DPP10: variants seen among roughly 807,000 people sequenced by gnomAD.
DPP10 encodes inactive dipeptidyl peptidase 10.
In DPP10, 33 loss-of-function variants were observed where a neutral mutation model predicts 120.9. The ratio of observed to expected loss-of-function variants is 0.27; its 90% CI spans 0.21 to 0.37. DPP10 has a LOEUF of 0.37. Among genes scored for constraint, DPP10 ranks in the 10% least tolerant of loss-of-function variants. DPP10 has a pLI of 1.00. For synonymous variants in DPP10, 337 were observed against 326.1 expected (o/e 1.03, Z -0.36); for missense variants, 816 against 942.8 (o/e 0.87, Z 1.76).
chr2:115,005,415 C>T (rs1436704541), intron 1 of DPP10, among the ~76,000 whole-genome samples: 2 of 151,936 alleles, frequency 1.3e-5, no homozygotes, highest in Admixed American at 1.3e-4. Flanking sequence ...GATCAAATTA[C>T]TCTGAGCTAC....
At chr2:115,530,331 C>T (rs1008914522) in intron 5 of DPP10, among the ~76,000 whole-genome samples, 2 of 152,000 alleles carry the variant, frequency 1.3e-5, no homozygotes, top group Admixed American at 1.3e-4. Context: ...TTTATATCCA[C>T]AGCATACAAC....
chr2:115,575,510 G>C (rs1281684820), intron 5 of DPP10, among the ~76,000 whole-genome samples: 2 of 152,124 alleles, frequency 1.3e-5, no homozygotes, highest in Admixed American at 6.5e-5. Context: ...TGTACGTACA[G>C]AAGCTAGGAG....
At chr2:115,218,146 C>A (rs142435189) in intron 1 of DPP10, among the ~76,000 whole-genome samples, 1 of 152,252 alleles carries the variant, frequency 6.6e-6, no homozygotes, top group East Asian at 1.9e-4. Context: ...ACTGTACATT[C>A]TCAATACAGT....
intron 2 of DPP10, among the ~76,000 whole-genome samples, chr2:115,325,608 GA>G (rs1470933113): frequency 2.6e-5 from 4 of 151,958 alleles, no homozygotes; most frequent in Admixed American, 1.3e-4. Context: ...TGTAAAATTA[GA>G]CATTGCAAAT....
intron 1 of DPP10, among the ~76,000 whole-genome samples, chr2:115,188,722 A>G (rs1272054143): frequency 1.3e-5 from 2 of 152,192 alleles, no homozygotes; most frequent in African/African-American, 4.8e-5. Flanking sequence ...GCAAAATGCT[A>G]CACCTCTTTA....
intron 1 of DPP10, among the ~76,000 whole-genome samples, chr2:114,798,752 C>T (rs1038013891): frequency 2.0e-5 from 3 of 152,084 alleles, no homozygotes; most frequent in Non-Finnish European, 2.9e-5. Flanking sequence ...GTCACCTCGT[C>T]GAAATTCATC....
chr2:115,795,278 A>G (rs373157748), intron 19 of DPP10, among the ~76,000 whole-genome samples: 32 of 152,248 alleles, frequency 2.1e-4, no homozygotes, highest in African/African-American at 7.2e-4. Flanking sequence ...AGGGCCCGTC[A>G]TCTCTTCCCA....
intron 1 of DPP10, among the ~76,000 whole-genome samples, chr2:115,125,978 T>A (rs1054245440): frequency 6.6e-6 from 1 of 152,252 alleles, no homozygotes; most frequent in Non-Finnish European, 1.5e-5. Context: ...TGAGATCGTG[T>A]ATATATTTCC....
intron 3 of DPP10, among the ~76,000 whole-genome samples, chr2:115,493,845 T>C (rs533954497): frequency 8.5e-5 from 13 of 152,252 alleles, no homozygotes; most frequent in South Asian, 8.3e-4. Flanking sequence ...ATGGCTGTTA[T>C]GGAGAACAAG....
chr2:115,796,056 C>T (rs1333930779), intron 19 of DPP10, among the ~76,000 whole-genome samples: 1 of 152,110 alleles, frequency 6.6e-6, no homozygotes, highest in African/African-American at 2.4e-5. Context: ...TTCCCTCACA[C>T]TACGTAACAG....
At chr2:114,630,814 C>T (rs1480377242) in intron 1 of DPP10, among the ~76,000 whole-genome samples, 1 of 152,146 alleles carries the variant, frequency 6.6e-6, no homozygotes, top group African/African-American at 2.4e-5. Flanking sequence ...TGCCCCCAAC[C>T]TCTCTGCCCT....
In DPP10 at chr2:114,691,812, A is replaced by G. The variant is rs1699767242; in HGVS notation, c.60+248974A>G. Among the ~76,000 whole-genome samples, 3 of 151,892 alleles carry G rather than the reference A, an allele frequency of 2.0e-5. No homozygotes were observed. The South Asian group carries it at 6.2e-4, about 32-fold the overall frequency. The stretch of plus-strand genomic sequence containing the variant: ...AGTTTCTTTGTGGTTCAGTTTTGGG[A>G]GGATATATGTGTCCAGGAATTTGTC... On this transcript the variant is annotated intron_variant, in intron 1 of 25. Coordinates refer to ENST00000410059, the MANE Select transcript of DPP10 (RefSeq NM_020868.6).
intron 12 of DPP10, among the ~76,000 whole-genome samples, chr2:115,764,768 G>C (rs536629900): frequency 6.2e-4 from 94 of 152,148 alleles, no homozygotes; most frequent in Non-Finnish European, 9.4e-4. Context: ...TTTTTCTTCA[G>C]ATGCTCTAAG....
chr2:114,442,899 T>C (rs542650461), intron 1 of DPP10, 61 bp downstream of exon 1: 5 of 1,595,212 alleles, frequency 3.1e-6, no homozygotes, highest in African/African-American at 2.7e-5. Flanking sequence ...ACCTAACACA[T>C]GGGCATTGAT....
chr2:115,011,521 C>G (rs756084536), intron 1 of DPP10, among the ~76,000 whole-genome samples: 5 of 152,128 alleles, frequency 3.3e-5, no homozygotes, highest in Non-Finnish European at 7.3e-5. Context: ...ATTGTTTGCT[C>G]TGAAATCTAC....
At chr2:115,139,053 C>T (rs1257927459) in intron 1 of DPP10, among the ~76,000 whole-genome samples, 1 of 152,130 alleles carries the variant, frequency 6.6e-6, no homozygotes, top group Non-Finnish European at 1.5e-5. Context: ...CTTCATTCCT[C>T]CTCCAAGTAT....
intron 2 of DPP10, among the ~76,000 whole-genome samples, chr2:115,340,524 T>C (rs1043873795): frequency 6.6e-6 from 1 of 151,954 alleles, no homozygotes; most frequent in Non-Finnish European, 1.5e-5. Context: ...ATAAAATTTC[T>C]ATTTGAGTTG....
At chr2:115,365,270 G>A (rs2065012922) in intron 3 of DPP10, among the ~76,000 whole-genome samples, 1 of 151,956 alleles carries the variant, frequency 6.6e-6, no homozygotes. Context: ...GAAATCCAGT[G>A]TTGCCCAACT....
intron 19 of DPP10, among the ~76,000 whole-genome samples, chr2:115,808,266 A>G (rs1053437370): frequency 2.6e-5 from 4 of 152,234 alleles, no homozygotes; most frequent in Non-Finnish European, 4.4e-5. Flanking sequence ...AGATTTTTAA[A>G]TTATGTGTAT....
Sources: allele counts gnomAD v4.1 joint callset (sites outside exome capture counted in the v4.1 genomes callset), GRCh38; gene constraint gnomAD v4.1.1; transcripts MANE v1.5; gene names NCBI Gene and HGNC (gene_info 2026-07-23, HGNC 2026-07-21).